Variants in KCNG3 observed in about 807,000 individuals in gnomAD.
KCNG3 encodes voltage-gated potassium channel regulatory subunit KCNG3.
KCNG3 carries 15 observed loss-of-function variants against 29.0 expected under a neutral mutation model. That is an observed-to-expected ratio of 0.52 (90% CI 0.35 to 0.80). The LOEUF (loss-of-function observed/expected upper bound fraction) is 0.80, where lower values mean the gene tolerates loss of function less well. Ranked by LOEUF, KCNG3 falls within the 30% of genes least tolerant of loss-of-function variation. KCNG3 has a pLI of 0.01. For missense variants in KCNG3, 512 were observed against 605.7 expected (o/e 0.85, Z 1.62); for synonymous variants, 322 against 248.9 (o/e 1.29, Z -2.76).
At chr2:42,412,276 A>G in the KCNG3 span, among the ~76,000 whole-genome samples, 1 of 152,258 alleles carries the variant, frequency 6.6e-6, no homozygotes, top group Non-Finnish European at 1.5e-5. Context: ...TAGCTGCCAG[A>G]AACTGTTACA....
chr2:42,489,999 C>T (rs73930419), intron 1 of KCNG3, among the ~76,000 whole-genome samples: 1,692 of 152,272 alleles, frequency 0.011, 34 homozygotes, highest in African/African-American at 0.038. Flanking sequence ...AACACATGTA[C>T]CACATGTACT....
At chr2:42,472,410 C>T (rs1673311800) in intron 1 of KCNG3, among the ~76,000 whole-genome samples, 1 of 151,922 alleles carries the variant, frequency 6.6e-6, no homozygotes, top group South Asian at 2.1e-4. Flanking sequence ...TTTTTAAGTA[C>T]ATGGGAATAA....
chr2:42,454,906 TG>T (rs1019989002), intron 1 of KCNG3, among the ~76,000 whole-genome samples: 65 of 152,086 alleles, frequency 4.3e-4, no homozygotes, highest in African/African-American at 1.5e-3. Flanking sequence ...AGAGAAGAGT[TG>T]TTTGATGGGT....
At chr2:42,459,082 G>C (rs978565131) in intron 1 of KCNG3, among the ~76,000 whole-genome samples, 1 of 151,948 alleles carries the variant, frequency 6.6e-6, no homozygotes, top group Non-Finnish European at 1.5e-5. Flanking sequence ...TGTAATCCCA[G>C]ATACTCGGGA....
the KCNG3 span, among the ~76,000 whole-genome samples, chr2:42,436,148 T>A: frequency 2.1e-4 from 32 of 152,298 alleles, no homozygotes; most frequent in East Asian, 5.6e-3. Context: ...GCCAGCCACA[T>A]ATCATATGAT....
intron 1 of KCNG3, among the ~76,000 whole-genome samples, chr2:42,483,383 A>G (rs1673639945): frequency 6.6e-6 from 1 of 152,212 alleles, no homozygotes; most frequent in African/African-American, 2.4e-5. Context: ...GCCTAAATAT[A>G]TACTCACACC....
the KCNG3 span, among the ~76,000 whole-genome samples, chr2:42,416,063 C>T: frequency 6.6e-6 from 1 of 151,924 alleles, no homozygotes; most frequent in African/African-American, 2.4e-5. Context: ...GGTGTGGTGG[C>T]GTGCATCTGT....
intron 1 of KCNG3, among the ~76,000 whole-genome samples, chr2:42,480,927 T>C (rs1035778023): frequency 1.3e-4 from 20 of 152,028 alleles, no homozygotes; most frequent in African/African-American, 4.8e-4. Context: ...ATTACAGGCA[T>C]GCACCATCAC....
At chr2:42,490,840 A>C (rs1432734686) in intron 1 of KCNG3, among the ~76,000 whole-genome samples, 1 of 152,228 alleles carries the variant, frequency 6.6e-6, no homozygotes, top group Middle Eastern at 3.2e-3. Context: ...ACCACAAGCA[A>C]GCAGGGTTTT....
chr2:42,451,666 T>C (rs1672757172), intron 1 of KCNG3, among the ~76,000 whole-genome samples: 1 of 151,776 alleles, frequency 6.6e-6, no homozygotes, highest in Non-Finnish European at 1.5e-5. Context: ...GTGGAGGTTG[T>C]AGTGAGCTGA....
intron 1 of KCNG3, among the ~76,000 whole-genome samples, chr2:42,447,734 G>C: frequency 6.6e-6 from 1 of 150,770 alleles, no homozygotes; most frequent in Admixed American, 6.6e-5. Flanking sequence ...ATGGGGTCTT[G>C]CTATGTTGCC....
At chr2:42,440,208 TA>T (rs778948797), downstream of KCNG3, among the ~76,000 whole-genome samples, 1 of 152,190 alleles carries the variant, frequency 6.6e-6, no homozygotes, top group African/African-American at 2.4e-5. Flanking sequence ...TATGACCCTA[TA>T]AAATGATTAG....
At chr2:42,448,964 C>T (rs1323883982) in intron 1 of KCNG3, among the ~76,000 whole-genome samples, 12 of 151,122 alleles carry the variant, frequency 7.9e-5, no homozygotes, top group Admixed American at 7.2e-4. Flanking sequence ...GGTGACAGAG[C>T]GAGACTCCGT....
chr2:42,466,464 G>T (rs1255485530), intron 1 of KCNG3, among the ~76,000 whole-genome samples: 1 of 152,148 alleles, frequency 6.6e-6, no homozygotes, highest in Non-Finnish European at 1.5e-5. Context: ...TTACCACTGT[G>T]TTGTAACTGC....
the KCNG3 span, among the ~76,000 whole-genome samples, chr2:42,389,330 G>A: frequency 6.6e-6 from 1 of 152,102 alleles, no homozygotes; most frequent in South Asian, 2.1e-4. Flanking sequence ...TAAATTCTTT[G>A]GCATGGCTAT....
chr2:42,492,727 C>G, intron 1 of KCNG3, 110 bp downstream of exon 1: 1 of 1,097,170 alleles, frequency 9.1e-7, no homozygotes, highest in South Asian at 2.6e-5. Context: ...TGGGCGCGCA[C>G]CCCGCTGGCT....
intron 1 of KCNG3, among the ~76,000 whole-genome samples, chr2:42,445,528 G>A (rs752180916): frequency 3.3e-5 from 5 of 152,114 alleles, no homozygotes; most frequent in Admixed American, 2.6e-4. Flanking sequence ...AAACGAGGCC[G>A]AGGACTCCCA....
intron 1 of KCNG3, among the ~76,000 whole-genome samples, chr2:42,476,354 G>C (rs1673425611): frequency 1.3e-5 from 2 of 151,950 alleles, no homozygotes; most frequent in Admixed American, 6.6e-5. Flanking sequence ...GCACAGGCCT[G>C]GAATCTCAGC....
At chr2:42,428,656 A>G in the KCNG3 span, among the ~76,000 whole-genome samples, 1 of 152,092 alleles carries the variant, frequency 6.6e-6, no homozygotes, top group East Asian at 1.9e-4. Flanking sequence ...TTAGATCAAA[A>G]GAAGGGAAAA....
Sources: allele counts gnomAD v4.1 joint callset (sites outside exome capture counted in the v4.1 genomes callset), GRCh38; gene constraint gnomAD v4.1.1; transcripts MANE v1.5; gene names NCBI Gene and HGNC (gene_info 2026-07-23, HGNC 2026-07-21).